Variants in CHD3 observed in about 807,000 individuals in gnomAD.
CHD3 encodes chromodomain helicase DNA binding protein 3.
Under a neutral mutation model 248.9 loss-of-function variants are expected in CHD3, and 52 were observed. The ratio of observed to expected loss-of-function variants is 0.21; its 90% CI spans 0.17 to 0.26. The LOEUF is 0.26. Among genes scored for constraint, CHD3 ranks in the 10% least tolerant of loss-of-function variants. CHD3 has a pLI of 1.00. For missense variants in CHD3, 1,482 were observed against 2,605.8 expected, an observed-to-expected ratio of 0.57 and a Z score of 9.39; for synonymous variants, 985 against 985.2, an observed-to-expected ratio of 1.00 and a Z score of 0.00.
In CHD3 at chr17:7,907,318, C is replaced by G; in HGVS notation, c.4789-35C>G. ...CTTGGAGGCCAGGTACCTGGGAGCC[C>G]TCTGGCTCATCCTGACCCCATTGTC... On this transcript the variant is annotated intron_variant, in intron 31 of 39. Transcript: ENST00000330494. The surrounding 1 kb of genome is among the most constrained non-coding windows in gnomAD (Gnocchi z 4.3). 1 of 1,611,400 alleles carries G rather than the reference C, an allele frequency of 6.2e-7. No homozygotes were observed. The highest frequency in any genetic ancestry group is 8.5e-7 in the Non-Finnish European group (1 of 1,178,578).
Position 7,894,114 on chromosome 17 carries a change from G to T in CHD3, c.925-1G>T. On this transcript the variant is annotated splice_acceptor_variant, in intron 6 of 39. Coordinates refer to ENST00000330494, the MANE Select transcript of CHD3 (RefSeq NM_001005273.3). LOFTEE classifies it high-confidence loss of function. ...ACTGACGGCCACGGGGCTATGGGCAGTATGTTTTTCAGAGCGACGAAGGTC... is the reference window on the plus strand; with the variant it reads ...ACTGACGGCCACGGGGCTATGGGCATTATGTTTTTCAGAGCGACGAAGGTC... The T allele has an allele frequency of 6.2e-7, 1 of 1,604,772 alleles. No individual in the cohort carries two copies. The highest frequency in any genetic ancestry group is 8.5e-7 in the Non-Finnish European group (1 of 1,174,394).
chr17:7,890,682 G>C lies in CHD3; in HGVS notation c.325G>C (p.Glu109Gln). The change falls in exon 3 of 40, where the codon GAA (glutamate) becomes CAA (glutamine). Residue 109 changes from glutamate (E) to glutamine (Q), a missense_variant. This residue lies in a region of CHD3 where 169 missense variants were observed against 168.1 expected (regional missense o/e 1.01). Transcript: ENST00000330494. ...TCGGAAACGAAGAAGGAAGCACCGAGAAAAAAAGGAGAAGAAGACAAAGCG... is the reference window on the plus strand; with the variant it reads ...TCGGAAACGAAGAAGGAAGCACCGACAAAAAAAGGAGAAGAAGACAAAGCG... ...PGRKRRRKHREKKEKKTKRRK... is the reference protein window; with the variant it reads ...PGRKRRRKHRQKKEKKTKRRK... 1 of 1,599,664 alleles carries C rather than the reference G, an allele frequency of 6.3e-7. No individual in the cohort carries two copies. Among genetic ancestry groups the C allele is most frequent in the South Asian group, 1.1e-5 (1 of 89,064 alleles).
rs1968561617 is a variant in CHD3 at position 7,889,806 on chromosome 17, C to T, written c.213+30C>T. The T allele has an allele frequency of 6.4e-7, 1 of 1,568,852 alleles. No individual in the cohort carries two copies. Among genetic ancestry groups the T allele is most frequent in the Admixed American group, 1.8e-5 (1 of 56,752 alleles). ...GTGTCAAGAATTCCTAACTCTGTGGCAAGGCTCAAGAGACCCATTCTCAGA... is the reference window on the plus strand; with the variant it reads ...GTGTCAAGAATTCCTAACTCTGTGGTAAGGCTCAAGAGACCCATTCTCAGA... On this transcript the variant is annotated intron_variant, in intron 2 of 39. Transcript: ENST00000330494. The surrounding 1 kb of genome is among the most constrained non-coding windows in gnomAD (Gnocchi z 4.5).
chr17:7,885,918 T>TTGGGGAGCGGAGAGAAGAGTGTC (rs1324488269), upstream of CHD3, among the ~76,000 whole-genome samples: 2 of 152,286 alleles, frequency 1.3e-5, no homozygotes, highest in East Asian at 3.9e-4. Context: ...TCCATTCGGA[T>TTGGGGAGCGGAGAGAAGAGTGTC]TGGGGAGCGG....
rs551749460 is a variant in CHD3 at position 7,907,353 on chromosome 17, G to A, written c.4789G>A (p.Ala1597Thr). 1.0e-5 allele frequency: 16 copies of A among 1,605,960 alleles called. No homozygotes were observed. In the South Asian group the frequency reaches 1.7e-4, roughly 17 times the overall value. ...TCCTGACCCCATTGTCCTCTTCCAG[G>A]CTGATGCCCCCAGCCCAGCCCCATC... ...SRIGEKMETE[A>T]DAPSPAPSLG... The change falls in exon 32 of 40, where the codon GCT becomes ACT. Residue 1597 changes from alanine (A) to threonine (T), a missense_variant and splice_region_variant. By Grantham distance (58) the Ala-to-Thr change is moderately conservative (BLOSUM62 0). Coordinates refer to ENST00000330494, the MANE Select transcript of CHD3 (RefSeq NM_001005273.3). This position sits in a 1 kb window ranked among gnomAD's most constrained non-coding sequence, Gnocchi z 4.3.
In CHD3 at chr17:7,904,656, A is replaced by G; in HGVS notation, c.4072+37A>G. ...CCCAGATGCAGGCAGTAAAGGGGGG[A>G]AGTGATGATGAGTAGGGACTTGAAG... On this transcript the variant is annotated intron_variant, in intron 25 of 39. Transcript: ENST00000330494. This position sits in a 1 kb window ranked among gnomAD's most constrained non-coding sequence, Gnocchi z 4.4. 6.3e-7 allele frequency: 1 copy of G among 1,582,536 alleles called. No individual in the cohort carries two copies. The highest frequency in any genetic ancestry group is 8.7e-7 in the Non-Finnish European group (1 of 1,155,546).
Position 7,895,424 on chromosome 17 carries a change from C to T in CHD3, c.1589C>T (p.Ala530Val). The T allele has an allele frequency of 6.2e-7, 1 of 1,614,128 alleles. No individual in the cohort carries two copies. The highest frequency in any genetic ancestry group is 8.5e-7 in the Non-Finnish European group (1 of 1,180,008). Residue 530 changes from alanine (A) to valine (V), a missense_variant, in exon 10 of 40, where the codon GCA becomes GTA. By Grantham distance (64) the Ala-to-Val change is moderately conservative (BLOSUM62 0). This residue lies in a region of CHD3 where 24 missense variants were observed against 18.3 expected (regional missense o/e 1.31). Transcript: ENST00000330494. This position sits in a 1 kb window ranked among gnomAD's most constrained non-coding sequence, Gnocchi z 4.9. ...PPVAVPAPQQ[A>V]DGNPDVPPPR... ...GTAGCAGTGCCAGCCCCTCAACAGGCAGATGGAAATCCAGATGTCCCACCC... is the reference window on the plus strand; with the variant it reads ...GTAGCAGTGCCAGCCCCTCAACAGGTAGATGGAAATCCAGATGTCCCACCC...
In CHD3 at chr17:7,893,522, A is replaced by C; in HGVS notation, c.746A>C (p.Asp249Ala). ...PPALPPPPAA[D>A]IQPPPIRRAK... Reference sequence around the variant, plus strand: ...GCCCTTCCACCACCCCCTGCTGCTGATATCCAGCCCCCACCCATCCGAAGA... The same window carrying C: ...GCCCTTCCACCACCCCCTGCTGCTGCTATCCAGCCCCCACCCATCCGAAGA... The change falls in exon 5 of 40, where the codon GAT becomes GCT. Residue 249 changes from aspartate to alanine, a missense_variant. Coordinates refer to ENST00000330494, the MANE Select transcript of CHD3 (RefSeq NM_001005273.3). 1 of 925,472 alleles carries C rather than the reference A, an allele frequency of 1.1e-6. No homozygotes were observed. Among genetic ancestry groups the C allele is most frequent in the East Asian group, 4.4e-5 (1 of 22,716 alleles). 57.3% of individuals were successfully genotyped at this position (925,472 alleles called of 1,614,324 possible).
Position 7,898,533 on chromosome 17 carries a change from A to C in CHD3, c.2089A>C (p.Lys697Gln), listed in dbSNP as rs1330504097. The change falls in exon 13 of 40, where the codon AAG (lysine) becomes CAG (glutamine). Residue 697 changes from lysine to glutamine, a missense_variant. By Grantham distance (53) the Lys-to-Gln change is moderately conservative (BLOSUM62 1). Coordinates refer to ENST00000330494, the MANE Select transcript of CHD3 (RefSeq NM_001005273.3). ...GGGGGAAGACCCTGCCCAGCCCCGC[A>C]AGTATAAGAAGAAGAAGAAGGAGCT... Reference protein sequence around the residue: ...IMGEDPAQPRKYKKKKKELQG... With the variant: ...IMGEDPAQPRQYKKKKKELQG... The C allele has an allele frequency of 6.2e-7, 1 of 1,614,082 alleles. No individual in the cohort carries two copies. Among genetic ancestry groups the C allele is most frequent in the Admixed American group, 1.7e-5 (1 of 60,000 alleles).
In CHD3 at chr17:7,899,300, G is replaced by T; in HGVS notation, c.2344-43G>T. 6.2e-7 allele frequency: 1 copy of T among 1,606,658 alleles called. No individual in the cohort carries two copies. The highest frequency in any genetic ancestry group is 8.5e-7 in the Non-Finnish European group (1 of 1,173,490). ...AGCTGGCAGAGGACTAGGGTATACG[G>T]CCTCTAGCCTAGACTTATGCTGCCC... On this transcript the variant is annotated intron_variant, in intron 14 of 39. Coordinates refer to ENST00000330494, the MANE Select transcript of CHD3 (RefSeq NM_001005273.3). This position sits in a 1 kb window ranked among gnomAD's most constrained non-coding sequence, Gnocchi z 6.8.
chr17:7,889,235 G>A lies in CHD3; in HGVS notation c.100+135G>A, dbSNP rs1223520980. 3 of 1,103,056 alleles carry A rather than the reference G, an allele frequency of 2.7e-6. No individual in the cohort carries two copies. Among genetic ancestry groups the A allele is most frequent in the African/African-American group, 1.6e-5 (1 of 63,940 alleles). The allele number at this position is 1,103,056 out of a possible 1,614,324, so 68.3% of individuals were successfully genotyped here. A position where few individuals can be genotyped will look rare whatever the true frequency, so the allele number is the denominator to read the frequency against. ...CAGCATCTGGCTTAGGGAGCTGCCA[G>A]CTTGTGTCTCCCCACTCCAAGTGCT... is the stretch of plus-strand genomic sequence containing the variant. On this transcript the variant is annotated intron_variant, in intron 1 of 39. Coordinates refer to ENST00000330494, the MANE Select transcript of CHD3 (RefSeq NM_001005273.3). This position sits in a 1 kb window ranked among gnomAD's most constrained non-coding sequence, Gnocchi z 4.5.
Position 7,900,524 on chromosome 17 carries a change from C to G in CHD3, c.2805-34C>G. ...CTGAGATCAGGGGCAAGGAACTTGC[C>G]GACCTGTTAATTTTCTTCTCTTCTG... On this transcript the variant is annotated intron_variant, in intron 17 of 39. Transcript: ENST00000330494. This position sits in a 1 kb window ranked among gnomAD's most constrained non-coding sequence, Gnocchi z 6.5. 6.2e-7 allele frequency: 1 copy of G among 1,609,180 alleles called. No individual in the cohort carries two copies. The highest frequency in any genetic ancestry group is 2.2e-5 in the East Asian group (1 of 44,730).
rs1452179226 is a variant in CHD3 at position 7,899,109 on chromosome 17, C to G, written c.2250C>G (p.Ser750=). The change falls in exon 14 of 40, where the codon TCC becomes TCG. Residue 750 remains serine, a synonymous_variant. Transcript: ENST00000330494. This position sits in a 1 kb window ranked among gnomAD's most constrained non-coding sequence, Gnocchi z 6.8. Reference sequence around the variant, plus strand: ...AAGGGCTGAACTGGCTACGCTTCTCCTGGGCCCAGGGCACTGACACCATTC... The same window carrying G: ...AAGGGCTGAACTGGCTACGCTTCTCGTGGGCCCAGGGCACTGACACCATTC... The part of the protein sequence containing the change: ...QLEGLNWLRF[S]WAQGTDTILA... 6.2e-7 allele frequency: 1 copy of G among 1,614,206 alleles called. No homozygotes were observed. Among genetic ancestry groups the G allele is most frequent in the Admixed American group, 1.7e-5 (1 of 60,018 alleles).
At position 7,899,645 on chromosome 17, in the gene CHD3, C is replaced by T. The variant is rs1970073754; in HGVS notation, c.2544+102C>T. 1 of 1,220,588 alleles carries T rather than the reference C, an allele frequency of 8.2e-7. No individual in the cohort carries two copies. The highest frequency in any genetic ancestry group is 1.2e-6 in the Non-Finnish European group (1 of 855,660). The allele number at this position is 1,220,588 out of a possible 1,614,324, so 75.6% of individuals were successfully genotyped here. ...CTATTCCCCTCCTCACCTTTCTCCTCTTCCTCCACCTGTCCTCCTGTCTCT... is the reference window on the plus strand; with the variant it reads ...CTATTCCCCTCCTCACCTTTCTCCTTTTCCTCCACCTGTCCTCCTGTCTCT... On this transcript the variant is annotated intron_variant, in intron 15 of 39. Transcript: ENST00000330494. This position sits in a 1 kb window ranked among gnomAD's most constrained non-coding sequence, Gnocchi z 6.8.
In CHD3 at chr17:7,889,407, C is replaced by A. The variant is rs949733474; in HGVS notation, c.101-257C>A. ...CAGAGCCCATGGCCTGGAGCCTGGT[C>A]TCTTGTTAGTAGGAGGGGAGGGAGG... On this transcript the variant is annotated intron_variant, in intron 1 of 39. Transcript: ENST00000330494. This position sits in a 1 kb window ranked among gnomAD's most constrained non-coding sequence, Gnocchi z 4.5. Among the ~76,000 whole-genome samples the A allele has an allele frequency of 6.6e-6, 1 of 152,338 alleles. No individual in the cohort carries two copies. The highest frequency in any genetic ancestry group is 1.5e-5 in the Non-Finnish European group (1 of 68,014).
rs1970673897 is a variant in CHD3, at chr17:7,904,404, G to A, written c.3895-38G>A. 6.3e-7 allele frequency: 1 copy of A among 1,584,022 alleles called. No homozygotes were observed. Among genetic ancestry groups the A allele is most frequent in the Non-Finnish European group, 8.6e-7 (1 of 1,157,834 alleles). On this transcript the variant is annotated intron_variant, in intron 24 of 39. Transcript: ENST00000330494. This position sits in a 1 kb window ranked among gnomAD's most constrained non-coding sequence, Gnocchi z 4.4. ...TTGCAGTGGAAGGATTAGCAAAGAA[G>A]GAGACCCCCAGTGTTCATTCATTCT...
At position 7,895,512 on chromosome 17, in the gene CHD3, C is replaced by T; in HGVS notation, c.1677C>T (p.Tyr559=). 6.2e-7 allele frequency: 1 copy of T among 1,614,156 alleles called. No homozygotes were observed. ...TTGTCAAGTGGGTAGGACTATCCTA[C>T]TGGCACTGCTCCTGGGCCAAGGAGC... The part of the protein sequence containing the change: ...EFFVKWVGLS[Y]WHCSWAKELQ... Residue 559 remains tyrosine, a synonymous_variant, in exon 10 of 40, where the codon TAC becomes TAT. Coordinates refer to ENST00000330494, the MANE Select transcript of CHD3 (RefSeq NM_001005273.3). The surrounding 1 kb of genome is among the most constrained non-coding windows in gnomAD (Gnocchi z 4.9).
Position 7,906,504 on chromosome 17 carries a change from AC to A in CHD3, c.4359-45del, listed in dbSNP as rs1473233507. 6.2e-7 allele frequency: 1 copy of A among 1,605,046 alleles called. No homozygotes were observed. The highest frequency in any genetic ancestry group is 1.1e-5 in the South Asian group (1 of 90,560). On this transcript the variant is annotated intron_variant, in intron 28 of 39. Transcript: ENST00000330494. This position sits in a 1 kb window ranked among gnomAD's most constrained non-coding sequence, Gnocchi z 5.0. The stretch of plus-strand genomic sequence containing the variant: ...CCTCGCGCCTCCCTCACTGCCCTAT[AC>A]CCCTTCTGTGGCTCCCCTAACCCTC...
chr17:7,901,613 T>C (rs1015983471), intron 20 of CHD3, among the ~76,000 whole-genome samples: 4 of 150,364 alleles, frequency 2.7e-5, no homozygotes, highest in Non-Finnish European at 5.9e-5. Context: ...TGGGTTCAAG[T>C]GATTCTCCTG....
Sources: allele counts gnomAD v4.1 joint callset (sites outside exome capture counted in the v4.1 genomes callset), GRCh38; gene constraint gnomAD v4.1.1; regional missense constraint gnomAD v4.1.1; non-coding constraint Gnocchi (gnomAD v3.1); transcripts MANE v1.5; gene names NCBI Gene and HGNC (gene_info 2026-07-23, HGNC 2026-07-21).